The following MBOAT7 variants were observed in gnomAD, a reference collection of about 807,000 sequenced individuals.
The protein encoded by MBOAT7 is membrane bound acylglycerophosphatidylinositol O-acyltransferase MBOAT7.
A neutral mutation model predicts 47.4 loss-of-function variants in MBOAT7; 40 were observed. That is an observed-to-expected ratio of 0.84 (90% CI 0.66 to 1.10). MBOAT7 has a LOEUF of 1.10. Ranked by LOEUF, MBOAT7 falls within the 50% of genes least tolerant of loss-of-function variation. MBOAT7 has a pLI of 0.00. For missense variants in MBOAT7, 680 were observed against 655.6 expected, an observed-to-expected ratio of 1.04 and a Z score of -0.41; for synonymous variants, 361 against 292.0, an observed-to-expected ratio of 1.24 and a Z score of -2.41.
chr19:54,188,073 A>AGGAAGAAAGGAAGAAAGAAAGAAAG (rs1555842646), intron 3 of MBOAT7, 144 bp downstream of exon 3: 1 of 632,960 alleles, frequency 1.6e-6, no homozygotes, highest in African/African-American at 2.4e-5. Context: ...AAGAAAGACA[A>AGGAAGAAAGGAAGAAAGAAAGAAAG]ACAAACAAAC....
rs1234954450 is a variant in MBOAT7 at position 54,188,515 on chromosome 19, G to T, written c.-3-4C>A. 1.9e-6 allele frequency: 3 copies of T among 1,552,064 alleles called. No homozygotes were observed. In the South Asian group the frequency reaches 3.6e-5, roughly 18 times the overall value. ...TCCATTCTTCAGGCGACATGGTCTG[G>T]GGGAGGGGCAGAGATTCACAGTGAG... On this transcript the variant is annotated splice_region_variant and splice_polypyrimidine_tract_variant and intron_variant, in intron 1 of 7. Transcript: ENST00000245615.
In MBOAT7 at chr19:54,174,061, T is replaced by C. The variant is rs761850542; in HGVS notation, c.1402A>G (p.Lys468Glu). Reference protein sequence around the residue: ...ASQPTSLAPEKLREE With the variant: ...ASQPTSLAPEELREE Reference sequence around the variant, plus strand: ...GTGACAGCTTACTCCTCCCGGAGCTTCTCCGGGGCAAGGCTGGTGGGCTGG... The same window carrying C: ...GTGACAGCTTACTCCTCCCGGAGCTCCTCCGGGGCAAGGCTGGTGGGCTGG... Residue 468 changes from lysine (K) to glutamate (E), a missense_variant, in exon 8 of 8, where the codon AAG becomes GAG. Coordinates refer to ENST00000245615, the MANE Select transcript of MBOAT7 (RefSeq NM_024298.5). 17 of 1,599,500 alleles carry C rather than the reference T, an allele frequency of 1.1e-5. No homozygotes were observed. Among genetic ancestry groups the C allele is most frequent in the Non-Finnish European group, 1.4e-5 (17 of 1,174,578 alleles).
rs1408255295 is a variant in MBOAT7 at position 54,189,576 on chromosome 19, A to G, written c.-242T>C. On this transcript the variant is annotated 5_prime_UTR_variant, in exon 1 of 8. Transcript: ENST00000245615. ...GGCAACGGGATTCGAGTCCAGGTCCACACTGGGATCCGAGCTCCGAGTACG... is the reference window on the plus strand; with the variant it reads ...GGCAACGGGATTCGAGTCCAGGTCCGCACTGGGATCCGAGCTCCGAGTACG... The G allele has an allele frequency of 6.5e-6, 1 of 152,696 alleles. No homozygotes were observed. Among genetic ancestry groups the G allele is most frequent in the Non-Finnish European group, 1.5e-5 (1 of 68,164 alleles). 9.5% of individuals were successfully genotyped at this position (152,696 alleles called of 1,614,324 possible).
rs2076229586 is a variant in MBOAT7, at chr19:54,180,412, C to T, written c.854+361G>A. On this transcript the variant is annotated intron_variant, in intron 6 of 7. Coordinates refer to ENST00000245615, the MANE Select transcript of MBOAT7 (RefSeq NM_024298.5). This position sits in a 1 kb window ranked among gnomAD's most constrained non-coding sequence, Gnocchi z 5.2. ...TTCCCTAGCAACAGAGGGTGACCCACCACTAGCAAAGGATGGCATCCCCAG... is the reference window on the plus strand; with the variant it reads ...TTCCCTAGCAACAGAGGGTGACCCATCACTAGCAAAGGATGGCATCCCCAG... 4.8e-6 allele frequency: 1 copy of T among 208,204 alleles called. No individual in the cohort carries two copies. Among genetic ancestry groups the T allele is most frequent in the African/African-American group, 2.3e-5 (1 of 43,358 alleles). 12.9% of individuals were successfully genotyped at this position (208,204 alleles called of 1,614,324 possible).
chr19:54,186,757 G>C (rs964985978), intron 4 of MBOAT7, among the ~76,000 whole-genome samples: 3 of 152,154 alleles, frequency 2.0e-5, no homozygotes, highest in African/African-American at 7.2e-5. Context: ...CTCTTCCCAG[G>C]TGATTAGGAG....
In MBOAT7 at chr19:54,174,063, T is replaced by TC. The variant is rs1180848125; in HGVS notation, c.1399dup (p.Glu467GlyfsTer49). ...GACAGCTTACTCCTCCCGGAGCTTCTCCGGGGCAAGGCTGGTGGGCTGGGA... is the reference window on the plus strand; with the variant it reads ...GACAGCTTACTCCTCCCGGAGCTTCTCCCGGGGCAAGGCTGGTGGGCTGGGA... On this transcript the variant is annotated frameshift_variant, in exon 8 of 8. Coordinates refer to ENST00000245615, the MANE Select transcript of MBOAT7 (RefSeq NM_024298.5). LOFTEE classifies it high-confidence loss of function. The TC allele has an allele frequency of 1.0e-5, 16 of 1,600,662 alleles. No homozygotes were observed. The highest frequency in any genetic ancestry group is 1.4e-5 in the Non-Finnish European group (16 of 1,175,006).
In MBOAT7 at chr19:54,174,005, A is replaced by G; in HGVS notation, c.*39T>C. On this transcript the variant is annotated 3_prime_UTR_variant, in exon 8 of 8. Coordinates refer to ENST00000245615, the MANE Select transcript of MBOAT7 (RefSeq NM_024298.5). ...AGGAGACAGCAGCCTGGTTCACAGA[A>G]TTCCCGGGACCAGCTGGCAGAGGGA... 6.5e-7 allele frequency: 1 copy of G among 1,533,282 alleles called. No homozygotes were observed. Among genetic ancestry groups the G allele is most frequent in the African/African-American group, 1.4e-5 (1 of 71,854 alleles). The allele number at this position is 1,533,282 out of a possible 1,614,324, so 95.0% of individuals were successfully genotyped here.
intron 7 of MBOAT7, 94 bp downstream of exon 7, chr19:54,178,671 G>C (rs1202172875): frequency 1.3e-6 from 2 of 1,518,880 alleles, no homozygotes; most frequent in Non-Finnish European, 1.8e-6. Context: ...GCCTCCGGGG[G>C]CAGGGGCCCA....
chr19:54,183,410 G>C, intron 5 of MBOAT7, 111 bp downstream of exon 5: 1 of 1,272,162 alleles, frequency 7.9e-7, no homozygotes, highest in Non-Finnish European at 1.1e-6. Flanking sequence ...CACAGCAGCA[G>C]ATGCTAGGAT....
In MBOAT7 at chr19:54,173,867, G is replaced by A. The variant is rs1240711634; in HGVS notation, c.*177C>T. The A allele has an allele frequency of 5.8e-6, 4 of 691,638 alleles. No homozygotes were observed. Among genetic ancestry groups the A allele is most frequent in the African/African-American group, 5.6e-5 (3 of 53,730 alleles). 42.8% of individuals were successfully genotyped at this position (691,638 alleles called of 1,614,324 possible). ...TTGTAGGAGTGGAGGTGGCCTCTGG[G>A]CAGAGGGCAGGGAGGACACCCCCGG... On this transcript the variant is annotated 3_prime_UTR_variant, in exon 8 of 8. Coordinates refer to ENST00000245615, the MANE Select transcript of MBOAT7 (RefSeq NM_024298.5).
rs750973058 is a variant in MBOAT7, at chr19:54,183,503, T to G, written c.493+18A>C. ...ACAGGAGACAGAGCGGCAGAGTTGTTAGGGCAGCCCCACTCACCTGTCATG... is the reference window on the plus strand; with the variant it reads ...ACAGGAGACAGAGCGGCAGAGTTGTGAGGGCAGCCCCACTCACCTGTCATG... On this transcript the variant is annotated intron_variant, in intron 5 of 7. Transcript: ENST00000245615. 4 of 1,603,094 alleles carry G rather than the reference T, an allele frequency of 2.5e-6. No individual in the cohort carries two copies. In the East Asian group the frequency reaches 9.1e-5, roughly 37 times the overall value.
chr19:54,175,004 C>A (rs570085098), intron 7 of MBOAT7, among the ~76,000 whole-genome samples: 2 of 133,732 alleles, frequency 1.5e-5, no homozygotes, highest in East Asian at 2.4e-4. Context: ...GAGACAGAGT[C>A]TCGCTCTGTC....
At position 54,173,835 on chromosome 19, in the gene MBOAT7, TTTGA is replaced by T. The variant is rs58694079; in HGVS notation, c.*205_*208del. On this transcript the variant is annotated 3_prime_UTR_variant, in exon 8 of 8. Coordinates refer to ENST00000245615, the MANE Select transcript of MBOAT7 (RefSeq NM_024298.5). Reference sequence around the variant, plus strand: ...CCAGTGACTCTTGTCTGGACAATACTTTGATTTTGTAGGAGTGGAGGTGGCCTCT... The same window carrying T: ...CCAGTGACTCTTGTCTGGACAATACTTTTTGTAGGAGTGGAGGTGGCCTCT... The T allele has an allele frequency of 0.29, 158,228 of 550,434 alleles. 24,453 individuals are homozygous for T. The highest frequency in any genetic ancestry group is 0.33 in the Non-Finnish European group (106,443 of 323,344). 34.1% of individuals were successfully genotyped at this position (550,434 alleles called of 1,614,324 possible).
At position 54,188,294 on chromosome 19, in the gene MBOAT7, C is replaced by T. The variant is rs777202990; in HGVS notation, c.129G>A (p.Leu43=). The change falls in exon 3 of 8, where the codon CTG becomes CTA. Residue 43 remains leucine (L), a synonymous_variant. Coordinates refer to ENST00000245615, the MANE Select transcript of MBOAT7 (RefSeq NM_024298.5). ...GAAAVGLGLT[L]FTCGPHTLHS... is the part of the protein sequence containing the mutation. ...GCAAAGTGTGGGGGCCACAGGTGAA[C>T]AGGGTGAGCCCCAGGCCCACAGCGG... 6.8e-6 allele frequency: 11 copies of T among 1,614,036 alleles called. No homozygotes were observed. In the East Asian group the frequency reaches 2.2e-4, roughly 33 times the overall value.
rs1320489065 is a variant in MBOAT7, at chr19:54,173,717, G to T, written c.*327C>A. The T allele has an allele frequency of 3.0e-6, 1 of 331,778 alleles. No homozygotes were observed. The highest frequency in any genetic ancestry group is 5.5e-6 in the Non-Finnish European group (1 of 182,268). 20.6% of individuals were successfully genotyped at this position (331,778 alleles called of 1,614,324 possible). ...TCCGACCCCACATTGTGGATGCAAAGAAAGGGAATTTGCCCAAAACCCACT... is the reference window on the plus strand; with the variant it reads ...TCCGACCCCACATTGTGGATGCAAATAAAGGGAATTTGCCCAAAACCCACT... On this transcript the variant is annotated 3_prime_UTR_variant, in exon 8 of 8. Coordinates refer to ENST00000245615, the MANE Select transcript of MBOAT7 (RefSeq NM_024298.5).
intron 3 of MBOAT7, 125 bp downstream of exon 3, chr19:54,188,090 CAG>C (rs1163584567): frequency 4.9e-6 from 4 of 808,090 alleles, no homozygotes; most frequent in African/African-American, 3.7e-5. Context: ...AAACATGAAA[CAG>C]AGAAATGAGC....
chr19:54,182,675 C>CAT (rs879465819), intron 5 of MBOAT7, among the ~76,000 whole-genome samples: 1 of 151,780 alleles, frequency 6.6e-6, no homozygotes, highest in Non-Finnish European at 1.5e-5. Context: ...TACACACATA[C>CAT]ATATATATAC....
chr19:54,185,515 T>G (rs1053370144), intron 4 of MBOAT7, among the ~76,000 whole-genome samples: 1 of 152,118 alleles, frequency 6.6e-6, no homozygotes, highest in Non-Finnish European at 1.5e-5. Flanking sequence ...TCAGTCATCC[T>G]AAATGCGCGT....
intron 7 of MBOAT7, among the ~76,000 whole-genome samples, chr19:54,175,199 C>T (rs559560860): frequency 8.5e-5 from 13 of 152,222 alleles, no homozygotes; most frequent in East Asian, 1.9e-4. Context: ...AGGATGGTCT[C>T]GATCTCCTGA....
Sources: gnomAD v4.1 joint callset for allele counts (sites outside exome capture counted in the v4.1 genomes callset) on GRCh38, gnomAD v4.1.1 for gene constraint, Gnocchi (gnomAD v3.1) non-coding constraint, MANE v1.5 for transcripts, NCBI Gene and HGNC (gene_info 2026-07-23, HGNC 2026-07-21) for gene names.